The following LY6G5B variants were observed in gnomAD, a reference collection of about 807,000 sequenced individuals.
LY6G5B encodes the protein lymphocyte antigen 6 complex locus protein G5b.
LY6G5B carries 6 observed loss-of-function variants against 6.7 expected under a neutral mutation model. That is an observed-to-expected ratio of 0.89 (90% confidence interval 0.49 to 1.76). The LOEUF is 1.76. Ranked by LOEUF, LY6G5B falls within the 40% of genes most tolerant of loss-of-function variation. The pLI is 0.01. For synonymous variants in LY6G5B, 98 were observed against 99.4 expected, an observed-to-expected ratio of 0.99 and a Z score of 0.09; for missense variants, 240 against 249.5, an observed-to-expected ratio of 0.96 and a Z score of 0.26.
rs748893700 is a variant in LY6G5B, at chr6:31,670,678, G to A, written c.-273G>A. The A allele has an allele frequency of 4.7e-5, 23 of 485,512 alleles. 1 individual carries two copies. The highest frequency in any genetic ancestry group is 7.3e-5 in the Non-Finnish European group (20 of 275,570). The allele number at this position is 485,512 out of a possible 1,614,324, so 30.1% of individuals were successfully genotyped here. ...AAGGTAGACACTGGATAAAGAACCCGGTAGTGCCCAGGTATTACCCCATCT... is the reference window on the plus strand; with the variant it reads ...AAGGTAGACACTGGATAAAGAACCCAGTAGTGCCCAGGTATTACCCCATCT... On this transcript the variant is annotated 5_prime_UTR_variant, in exon 1 of 3. Transcript: ENST00000375864.
chr6:31,672,269 C>T, exon 3 of LY6G5B: 2 of 1,612,042 alleles, frequency 1.2e-6, no homozygotes, highest in Non-Finnish European at 1.7e-6. Context: ...CTCTTGACAC[C>T]TCACCCTTCC....
chr6:31,671,881 A>G (rs1802247226), exon 3 of LY6G5B: 1 of 1,607,094 alleles, frequency 6.2e-7, no homozygotes, highest in Non-Finnish European at 8.5e-7. Flanking sequence ...GGTTCGCTTC[A>G]TCGTTCGAGG....
chr6:31,672,159 G>C, exon 3 of LY6G5B: 1 of 1,613,084 alleles, frequency 6.2e-7, no homozygotes, highest in Non-Finnish European at 8.5e-7. Flanking sequence ...TGGACCCCAT[G>C]GTCACACTGT....
chr6:31,671,956 T>C (rs1562059432), exon 3 of LY6G5B: 1 of 1,613,068 alleles, frequency 6.2e-7, no homozygotes, highest in Non-Finnish European at 8.5e-7. Flanking sequence ...AGAGTACTGG[T>C]ATCAGGCCCA....
chr6:31,671,184 C>CT lies in LY6G5B; in HGVS notation c.89dup (p.Cys31LeufsTer33). ...CTGTTCCCGACATCCGGACGTGCCACTTCTGCCTCGTAGAAGACCCTTCTG... is the reference window on the plus strand; with the variant it reads ...CTGTTCCCGACATCCGGACGTGCCACTTTCTGCCTCGTAGAAGACCCTTCTG... On this transcript the variant is annotated frameshift_variant, in exon 2 of 3. Transcript: ENST00000375864. LOFTEE classifies it high-confidence loss of function. The CT allele has an allele frequency of 6.2e-7, 1 of 1,614,026 alleles. No homozygotes were observed. The highest frequency in any genetic ancestry group is 2.2e-5 in the East Asian group (1 of 44,890).
chr6:31,669,997 A>C, upstream of LY6G5B: 1 of 1,301,902 alleles, frequency 7.7e-7, no homozygotes, highest in South Asian at 1.3e-5. The surrounding 1 kb of genome is among the most constrained non-coding windows in gnomAD (Gnocchi z 4.8). Flanking sequence ...GGAACCCTGT[A>C]TGGTTTTTAG....
chr6:31,670,259 C>CA lies in LY6G5B; in HGVS notation c.-688dup. ...GACTGCGTGTGATGAAATGCAAGGT[C>CA]AAAAGGAAAAGACAAAGCATATTTC... is the stretch of plus-strand genomic sequence containing the variant. On this transcript the variant is annotated 5_prime_UTR_variant, in exon 1 of 3. The change abolishes the stop of an existing upstream ORF in the 5' untranslated region. Transcript: ENST00000375864. 3.1e-6 allele frequency: 1 copy of CA among 325,066 alleles called. No homozygotes were observed. The highest frequency in any genetic ancestry group is 5.6e-6 in the Non-Finnish European group (1 of 178,718). 20.1% of individuals were successfully genotyped at this position (325,066 alleles called of 1,614,324 possible). A position where few individuals can be genotyped will look rare whatever the true frequency, so the allele number is the denominator to read the frequency against.
At chr6:31,671,408 G>C (rs1398488717) in intron 2 of LY6G5B, 124 bp downstream of exon 2, 1 of 1,392,932 alleles carries the variant, frequency 7.2e-7, no homozygotes, top group Non-Finnish European at 9.9e-7. Context: ...GAGTGCAATG[G>C]CTCATGCCTG....
At chr6:31,672,520 C>T in exon 3 of LY6G5B, 1 of 555,934 alleles carries the variant, frequency 1.8e-6, no homozygotes, top group South Asian at 2.5e-5. Context: ...TCTCTGCTCA[C>T]TACAACCTCC....
exon 3 of LY6G5B, chr6:31,673,488 G>A (rs1046427233): frequency 6.6e-6 from 1 of 152,412 alleles, no homozygotes; most frequent in Admixed American, 6.5e-5. Context: ...GGAAGGGTCT[G>A]TTCTGCTCAG....
In LY6G5B at chr6:31,671,876, G is replaced by A. The variant is rs779967901; in HGVS notation, c.200G>A (p.Arg67His). ...CCCTCTCCCTCAGATGTCAAGGTTC[G>A]CTTCATCGTTCGAGGCTGTGGACAG... is the stretch of plus-strand genomic sequence containing the variant. The change falls in exon 3 of 3, where the codon CGC becomes CAC. Residue 67 changes from arginine to histidine, a missense_variant. Arg to His is a conservative substitution (Grantham distance 29). Coordinates refer to ENST00000375864, the Ensembl canonical transcript of LY6G5B. 8 of 1,606,322 alleles carry A rather than the reference G, an allele frequency of 5.0e-6. No individual in the cohort carries two copies. Among genetic ancestry groups the A allele is most frequent in the East Asian group, 2.2e-5 (1 of 44,706 alleles).
At chr6:31,672,454 T>G (rs891198948) in exon 3 of LY6G5B, 2 of 780,530 alleles carry the variant, frequency 2.6e-6, no homozygotes, top group Middle Eastern at 3.7e-4. Context: ...GCTGTTTTTT[T>G]GTTTGTTTGA....
chr6:31,672,791 T>C (rs1802328851), exon 3 of LY6G5B: 1 of 157,502 alleles, frequency 6.3e-6, no homozygotes, highest in South Asian at 1.9e-4. Context: ...CTAGTGTGGA[T>C]TCTGCCCAGA....
chr6:31,671,377 T>G (rs1230551821), intron 2 of LY6G5B, 93 bp downstream of exon 2: 2 of 1,573,722 alleles, frequency 1.3e-6, no homozygotes, highest in Non-Finnish European at 1.7e-6. Flanking sequence ...GGGCATGGGG[T>G]ACAAGAAGAG....
Position 31,671,296 on chromosome 6 carries a change from C to T in LY6G5B, c.187+12C>T. 1 of 1,612,944 alleles carries T rather than the reference C, an allele frequency of 6.2e-7. No homozygotes were observed. The highest frequency in any genetic ancestry group is 1.3e-5 in the African/African-American group (1 of 74,990). On this transcript the variant is annotated intron_variant, in intron 2 of 2. Coordinates refer to ENST00000375864, the Ensembl canonical transcript of LY6G5B. Reference sequence around the variant, plus strand: ...CACCATCTATTATGGTAAATAAGGTCCCAGGAAGGGGCTGCTGGTGGGGCA... The same window carrying T: ...CACCATCTATTATGGTAAATAAGGTTCCAGGAAGGGGCTGCTGGTGGGGCA...
At chr6:31,673,394 T>C (rs1434056089) in exon 3 of LY6G5B, 1 of 152,828 alleles carries the variant, frequency 6.5e-6, no homozygotes, top group Non-Finnish European at 1.5e-5. Flanking sequence ...TCTCTTGCTC[T>C]CTTGTCAGTC....
chr6:31,672,412 CTT>C, exon 3 of LY6G5B: 1 of 1,035,282 alleles, frequency 9.7e-7, no homozygotes, highest in Non-Finnish European at 1.4e-6. Flanking sequence ...ATCTATATGA[CTT>C]TTGTGTAATT....
chr6:31,672,309 A>G lies in LY6G5B; in HGVS notation c.*27A>G. On this transcript the variant is annotated 3_prime_UTR_variant, in exon 3 of 3. Coordinates refer to ENST00000375864, the Ensembl canonical transcript of LY6G5B. ...TTCCACAGTGCAAATATCTTTCTGT[A>G]ACACCCTCAGCATCCTGCACTGCCC... is the stretch of plus-strand genomic sequence containing the variant. 3.1e-6 allele frequency: 5 copies of G among 1,594,252 alleles called. No individual in the cohort carries two copies. The South Asian group carries it at 4.5e-5, about 14-fold the overall frequency.
At chr6:31,673,390 G>C (rs528011045) in exon 3 of LY6G5B, 1 of 152,830 alleles carries the variant, frequency 6.5e-6, no homozygotes, top group East Asian at 1.9e-4. Context: ...GTCCTCTCTT[G>C]CTCTCTTGTC....
Sources: allele counts gnomAD v4.1 joint callset, GRCh38; gene constraint gnomAD v4.1.1; non-coding constraint Gnocchi (gnomAD v3.1); transcripts MANE v1.5; gene names NCBI Gene and HGNC (gene_info 2026-07-23, HGNC 2026-07-21).